The following ARHGAP32 variants were observed in gnomAD, a reference collection of about 807,000 sequenced individuals.
ARHGAP32 encodes the protein Rho GTPase activating protein 32, also known as rho GTPase-activating protein 32.
In ARHGAP32, 51 loss-of-function variants were observed where a neutral mutation model predicts 186.5. That is an observed-to-expected ratio of 0.27 (90% confidence interval 0.22 to 0.35). The LOEUF (loss-of-function observed/expected upper bound fraction) is 0.35, where lower values mean the gene tolerates loss of function less well. Ranked by LOEUF, ARHGAP32 falls within the 10% of genes least tolerant of loss-of-function variation. The pLI, the probability that ARHGAP32 is intolerant of heterozygous loss-of-function variation, is 1.00. For synonymous variants in ARHGAP32, 950 were observed against 964.3 expected, an observed-to-expected ratio of 0.99 and a Z score of 0.27; for missense variants, 2,186 against 2,623.5, an observed-to-expected ratio of 0.83 and a Z score of 3.64.
intron 1 of ARHGAP32, among the ~76,000 whole-genome samples, chr11:129,217,532 T>G: frequency 6.6e-6 from 1 of 152,190 alleles, no homozygotes; most frequent in East Asian, 1.9e-4. Flanking sequence ...CTATGAGCAT[T>G]TTCTAGAGCT....
At chr11:129,023,896 AATT>A in intron 11 of ARHGAP32, 1 of 985,326 alleles carries the variant, frequency 1.0e-6, no homozygotes, top group Non-Finnish European at 1.2e-6. Context: ...CAATACTTAA[AATT>A]ATTCCAAATG....
intron 10 of ARHGAP32, among the ~76,000 whole-genome samples, chr11:129,059,071 T>C (rs1307499630): frequency 1.3e-5 from 2 of 152,212 alleles, no homozygotes; most frequent in African/African-American, 4.8e-5. Flanking sequence ...TTCTTGCTGG[T>C]TGAGCAGGAA....
At position 128,974,175 on chromosome 11, in the gene ARHGAP32, A is replaced by T. The variant is rs772324175; in HGVS notation, c.3022T>A (p.Ser1008Thr). 4 of 1,614,206 alleles carry T rather than the reference A, an allele frequency of 2.5e-6. No homozygotes were observed. The highest frequency in any genetic ancestry group is 3.4e-6 in the Non-Finnish European group (4 of 1,180,030). The change falls in exon 21 of 23, where the codon TCT becomes ACT. Residue 1008 changes from serine (S) to threonine (T), a missense_variant. Physicochemically the swap from Ser to Thr is moderately conservative, Grantham distance 58. Transcript: ENST00000682385. ...EVELPGKEDQ[S>T]VSSSQSKAVA... The stretch of plus-strand genomic sequence containing the variant: ...GCCTTACTCTGACTGCTTGAGACAG[A>T]CTGATCCTCTTTCCCTGGCAATTCT...
At chr11:129,102,291 A>C (rs1480298795) in intron 5 of ARHGAP32, among the ~76,000 whole-genome samples, 1 of 152,184 alleles carries the variant, frequency 6.6e-6, no homozygotes, top group Non-Finnish European at 1.5e-5. Flanking sequence ...CAACCACATA[A>C]ACAAGTCTGC....
At chr11:129,250,771 C>G (rs1945170500) in intron 1 of ARHGAP32, among the ~76,000 whole-genome samples, 1 of 152,132 alleles carries the variant, frequency 6.6e-6, no homozygotes, top group Admixed American at 6.6e-5. Context: ...CTGTTAATAG[C>G]TCCATGGTAT....
At chr11:128,983,990 C>T (rs1201745948) in intron 15 of ARHGAP32, among the ~76,000 whole-genome samples, 1 of 151,224 alleles carries the variant, frequency 6.6e-6, no homozygotes, top group Admixed American at 6.6e-5. Flanking sequence ...ATTTAGATTT[C>T]CAGAATTTCA....
intron 6 of ARHGAP32, among the ~76,000 whole-genome samples, chr11:129,087,471 T>C (rs2135247890): frequency 6.6e-6 from 1 of 152,302 alleles, no homozygotes; most frequent in East Asian, 1.9e-4. Context: ...TGCATATTAC[T>C]AAGTGAAAGA....
Position 129,107,886 on chromosome 11 carries a change from A to G in ARHGAP32, c.445-14179T>C, listed in dbSNP as rs1446696982. On this transcript the variant is annotated intron_variant, in intron 5 of 22. Transcript: ENST00000682385. ...TATGTTTCAAAAAAAAAAAAAAAAA[A>G]AAAAAGTAGAGCTTTTGTATAGAAT... Among the ~76,000 whole-genome samples the G allele has an allele frequency of 4.2e-5, 6 of 143,546 alleles. No individual in the cohort carries two copies. The East Asian group carries it at 1.2e-3, about 29-fold the overall frequency. 94.2% of individuals were successfully genotyped at this position (143,546 alleles called of 152,430 possible).
chr11:129,057,565 C>G (rs533564918), intron 10 of ARHGAP32, among the ~76,000 whole-genome samples: 6 of 152,072 alleles, frequency 3.9e-5, no homozygotes, highest in Admixed American at 2.0e-4. Context: ...CTCAACATAG[C>G]TGGGGGATTG....
intron 1 of ARHGAP32, among the ~76,000 whole-genome samples, chr11:129,217,389 T>C (rs1944660788): frequency 1.3e-5 from 2 of 152,166 alleles, no homozygotes; most frequent in Non-Finnish European, 1.5e-5. Context: ...TAGTGCAAGA[T>C]AGGTCACCCT....
intron 1 of ARHGAP32, among the ~76,000 whole-genome samples, chr11:129,238,756 AACACAC>A (rs71057936): frequency 2.0e-5 from 3 of 148,298 alleles, no homozygotes; most frequent in Non-Finnish European, 4.5e-5. Context: ...ACTTATTTTA[AACACAC>A]ACACACACAC....
At position 128,969,011 on chromosome 11, in the gene ARHGAP32, G is replaced by A; in HGVS notation, c.6202C>T (p.Pro2068Ser). ...GMGTYVPPGF[P>S]HPQSRTYATA... ...GCATAGGTCCTGCTCTGTGGATGGG[G>A]AAAGCCAGGGGGCACATACGTCCCC... The change falls in exon 23 of 23, where the codon CCC (proline) becomes TCC (serine). Residue 2068 changes from proline to serine, a missense_variant. By Grantham distance (74) the Pro-to-Ser change is moderately conservative (BLOSUM62 -1). This residue lies in a region of ARHGAP32 where 1,502 missense variants were observed against 1,570.0 expected (regional missense o/e 0.96). Transcript: ENST00000682385. This position sits in a 1 kb window ranked among gnomAD's most constrained non-coding sequence, Gnocchi z 4.8. The A allele has an allele frequency of 1.2e-6, 2 of 1,610,756 alleles. No homozygotes were observed. Among genetic ancestry groups the A allele is most frequent in the African/African-American group, 1.3e-5 (1 of 74,984 alleles).
chr11:129,003,047 C>T (rs1453694987), intron 11 of ARHGAP32, among the ~76,000 whole-genome samples: 4 of 152,240 alleles, frequency 2.6e-5, no homozygotes, highest in East Asian at 1.9e-4. Flanking sequence ...CTGCCCGCCT[C>T]GGCCTCCCAA....
rs36036048 is a variant in ARHGAP32, at chr11:129,002,805, A to ATTTTTT, written c.1046-4343_1046-4338dup. 5.6e-4 allele frequency among the ~76,000 whole-genome samples: 60 copies of ATTTTTT among 108,070 alleles called. 1 individual carries two copies. The highest frequency in any genetic ancestry group is 9.3e-4 in the African/African-American group (26 of 27,840). The allele number at this position is 108,070 out of a possible 152,430, so 70.9% of individuals were successfully genotyped here. ...GGGGTTTTATCATGAAGGGATGTTGATTTTTTTTTTTTTTTTTTTTTGAGA... is the reference window on the plus strand; with the variant it reads ...GGGGTTTTATCATGAAGGGATGTTGATTTTTTTTTTTTTTTTTTTTTTTTTTTGAGA... On this transcript the variant is annotated intron_variant, in intron 11 of 22. Coordinates refer to ENST00000682385, the MANE Select transcript of ARHGAP32 (RefSeq NM_001378024.1).
chr11:129,087,567 C>T (rs1941443452), intron 6 of ARHGAP32, among the ~76,000 whole-genome samples: 1 of 152,060 alleles, frequency 6.6e-6, no homozygotes. Flanking sequence ...GTAAAAAGAT[C>T]AGTGGTTGTC....
At chr11:129,091,546 A>G (rs1169214291) in intron 6 of ARHGAP32, among the ~76,000 whole-genome samples, 1 of 152,170 alleles carries the variant, frequency 6.6e-6, no homozygotes, top group Non-Finnish European at 1.5e-5. Flanking sequence ...GGTTAAGATG[A>G]AGGACCAAGA....
rs947104147 is a variant in ARHGAP32 at position 129,231,106 on chromosome 11, C to T, written c.-5+48040G>A. 3.9e-5 allele frequency among the ~76,000 whole-genome samples: 6 copies of T among 152,106 alleles called. No homozygotes were observed. In the East Asian group the frequency reaches 1.2e-3, roughly 29 times the overall value. ...CCCAGACCACACCAGTGCACTCCAGCCTGGGCAACAGAGTAAGACGCCATC... is the reference window on the plus strand; with the variant it reads ...CCCAGACCACACCAGTGCACTCCAGTCTGGGCAACAGAGTAAGACGCCATC... On this transcript the variant is annotated intron_variant, in intron 1 of 6. Transcript: ENST00000525234.
chr11:128,980,681 C>T lies in ARHGAP32; in HGVS notation c.1848G>A (p.Glu616=). The T allele has an allele frequency of 6.2e-7, 1 of 1,613,932 alleles. No homozygotes were observed. Among genetic ancestry groups the T allele is most frequent in the Non-Finnish European group, 8.5e-7 (1 of 1,179,860 alleles). The change falls in exon 18 of 23, where the codon GAG becomes GAA. Residue 616 remains glutamate (E), a synonymous_variant. Transcript: ENST00000682385. ...CCTGAGCTTGTGTTCGTGCCTGGGC[C>T]TCTTCCAATGTCAGCAGTTTGGTGG... ...SPSTKLLTLE[E]AQARTQAQVN...
intron 2 of ARHGAP32, among the ~76,000 whole-genome samples, chr11:129,145,838 G>A (rs1317766270): frequency 6.6e-6 from 1 of 152,098 alleles, no homozygotes; most frequent in African/African-American, 2.4e-5. Context: ...ATTCATGCCA[G>A]AGAAGTCACA....
Sources: allele counts gnomAD v4.1 joint callset (sites outside exome capture counted in the v4.1 genomes callset), GRCh38; gene constraint gnomAD v4.1.1; regional missense constraint gnomAD v4.1.1; non-coding constraint Gnocchi (gnomAD v3.1); transcripts MANE v1.5; gene names NCBI Gene and HGNC (gene_info 2026-07-23, HGNC 2026-07-21).